Variants in NAA25 observed in about 807,000 individuals in gnomAD.
NAA25 encodes N-terminal acetyltransferase B complex subunit NAA25.
Under a neutral mutation model 132.5 loss-of-function variants are expected in NAA25, and 30 were observed. The ratio of observed to expected loss-of-function variants is 0.23; its 90% CI spans 0.17 to 0.31. The LOEUF (loss-of-function observed/expected upper bound fraction) is 0.31. Ranked by LOEUF, NAA25 falls within the 10% of genes least tolerant of loss-of-function variation. The pLI is 1.00. For synonymous variants in NAA25, 359 were observed against 401.9 expected (o/e 0.89, Z 1.28); for missense variants, 771 against 1,150.4 (o/e 0.67, Z 4.77).
intron 2 of NAA25, among the ~76,000 whole-genome samples, chr12:112,092,834 T>C (rs1052743606): frequency 6.6e-6 from 1 of 152,084 alleles, no homozygotes. Flanking sequence ...CACGCCACCA[T>C]GCCAGGCTAA....
At chr12:112,051,082 T>A (rs1436436592) in intron 15 of NAA25, among the ~76,000 whole-genome samples, 1 of 152,168 alleles carries the variant, frequency 6.6e-6, no homozygotes, top group Admixed American at 6.5e-5. Flanking sequence ...AAGCACAAGG[T>A]TGAACACACA....
intron 4 of NAA25, among the ~76,000 whole-genome samples, chr12:112,083,004 T>C (rs1183581810): frequency 2.0e-5 from 3 of 152,106 alleles, no homozygotes; most frequent in Non-Finnish European, 4.4e-5. Context: ...CAAGGTACTT[T>C]TGTTGTAAGG....
intron 14 of NAA25, 125 bp from the exon 15 acceptor site, chr12:112,053,782 A>G (rs533743480): frequency 3.8e-6 from 2 of 533,302 alleles, no homozygotes; most frequent in Non-Finnish European, 3.4e-6. Flanking sequence ...ACACTAAAAC[A>G]TACTCCCACA....
chr12:112,071,850 T>TTAAAAAA, intron 10 of NAA25, 45 bp downstream of exon 10: 1 of 1,221,576 alleles, frequency 8.2e-7, no homozygotes, highest in African/African-American at 2.5e-5. Context: ...AGCACTTGGG[T>TTAAAAAA]ATTAAGGGCA....
chr12:112,068,224 T>C (rs574565885), intron 11 of NAA25, among the ~76,000 whole-genome samples: 9 of 152,022 alleles, frequency 5.9e-5, no homozygotes, highest in African/African-American at 2.2e-4. Flanking sequence ...ATTCAAAAAA[T>C]GACAAAATTA....
At chr12:112,093,793 T>C (rs2079172248) in intron 1 of NAA25, among the ~76,000 whole-genome samples, 1 of 151,830 alleles carries the variant, frequency 6.6e-6, no homozygotes, top group Non-Finnish European at 1.5e-5. Flanking sequence ...GGTGGGGTGA[T>C]CATTTGAGCC....
At chr12:112,104,248 G>A (rs990862983) in intron 1 of NAA25, among the ~76,000 whole-genome samples, 3 of 152,086 alleles carry the variant, frequency 2.0e-5, no homozygotes, top group African/African-American at 7.2e-5. Flanking sequence ...TAAAGACTAT[G>A]CACACATTTT....
chr12:112,062,008 A>G (rs1043684516), intron 11 of NAA25, among the ~76,000 whole-genome samples: 1 of 152,222 alleles, frequency 6.6e-6, no homozygotes, highest in African/African-American at 2.4e-5. Flanking sequence ...AAAATTTAAA[A>G]ATAAAACCCA....
intron 17 of NAA25, among the ~76,000 whole-genome samples, chr12:112,045,249 C>T (rs2078361716): frequency 6.6e-6 from 1 of 151,818 alleles, no homozygotes; most frequent in Non-Finnish European, 1.5e-5. Flanking sequence ...CCCAGCACTT[C>T]GGGAGGCCGA....
At chr12:112,090,919 A>G in intron 2 of NAA25, 55 bp from the exon 3 acceptor site, 2 of 1,519,228 alleles carry the variant, frequency 1.3e-6, no homozygotes, top group East Asian at 2.3e-5. Context: ...GGAAATATGA[A>G]CCAAAGAAAG....
rs776710663 is a variant in NAA25 at position 112,087,672 on chromosome 12, G to A, written c.402+11C>T. ...AATCCCATAGCCCAGTAGGTTTGGGGATCAAATTACCTGTTGCATTTTCTT... is the reference window on the plus strand; with the variant it reads ...AATCCCATAGCCCAGTAGGTTTGGGAATCAAATTACCTGTTGCATTTTCTT... On this transcript the variant is annotated intron_variant, in intron 4 of 23. Transcript: ENST00000261745. The A allele has an allele frequency of 6.3e-7, 1 of 1,591,032 alleles. No homozygotes were observed. The highest frequency in any genetic ancestry group is 8.6e-7 in the Non-Finnish European group (1 of 1,159,904).
At chr12:112,052,820 C>T (rs964208616) in intron 15 of NAA25, among the ~76,000 whole-genome samples, 2 of 152,204 alleles carry the variant, frequency 1.3e-5, no homozygotes, top group African/African-American at 2.4e-5. Flanking sequence ...CAACTTCAGG[C>T]GATGAGGCTT....
At chr12:112,058,966 C>T (rs1218406541) in intron 13 of NAA25, among the ~76,000 whole-genome samples, 1 of 151,124 alleles carries the variant, frequency 6.6e-6, no homozygotes, top group African/African-American at 2.4e-5. Flanking sequence ...CCCAGCTACT[C>T]GGGAGGCTGA....
intron 23 of NAA25, among the ~76,000 whole-genome samples, chr12:112,029,948 C>A (rs1055417061): frequency 2.0e-5 from 3 of 152,136 alleles, no homozygotes; most frequent in Non-Finnish European, 2.9e-5. Context: ...CACGGTGGCT[C>A]ACGCCTGTAA....
chr12:112,098,178 A>C (rs1486218609), intron 1 of NAA25, among the ~76,000 whole-genome samples: 1 of 151,466 alleles, frequency 6.6e-6, no homozygotes, highest in East Asian at 1.9e-4. Flanking sequence ...AGAAAAGCAG[A>C]GATGAGCAAC....
intron 10 of NAA25, 81 bp from the exon 11 acceptor site, chr12:112,069,073 T>C (rs1048003955): frequency 8.4e-6 from 7 of 830,674 alleles, no homozygotes; most frequent in Non-Finnish European, 1.3e-5. Context: ...TTTGAAAACA[T>C]TCATTTCAAT....
intron 10 of NAA25, among the ~76,000 whole-genome samples, chr12:112,070,424 C>T (rs1385449763): frequency 1.3e-5 from 2 of 152,160 alleles, no homozygotes; most frequent in Non-Finnish European, 2.9e-5. Context: ...GCTAATTCCA[C>T]CAAATATTCT....
chr12:112,102,690 GC>G (rs1243179311), intron 1 of NAA25, among the ~76,000 whole-genome samples: 1 of 126,090 alleles, frequency 7.9e-6, no homozygotes, highest in Non-Finnish European at 1.7e-5. Context: ...CACACTAGCT[GC>G]CCCCCCGCCC....
At chr12:112,047,569 A>T (rs1256678696) in intron 17 of NAA25, 96 bp downstream of exon 17, 1 of 1,392,930 alleles carries the variant, frequency 7.2e-7, no homozygotes, top group Non-Finnish European at 9.8e-7. Context: ...TTCACCCAGG[A>T]GTTCGAAGCT....
Sources: allele counts gnomAD v4.1 joint callset (sites outside exome capture counted in the v4.1 genomes callset), GRCh38; gene constraint gnomAD v4.1.1; transcripts MANE v1.5; gene names NCBI Gene and HGNC (gene_info 2026-07-23, HGNC 2026-07-21).